Variants in DPF3 observed in about 807,000 individuals in gnomAD.
DPF3 encodes the protein double PHD fingers 3.
Under a neutral mutation model 56.8 loss-of-function variants are expected in DPF3, and 18 were observed. That is an observed-to-expected ratio of 0.32 (90% CI 0.22 to 0.47). The LOEUF (loss-of-function observed/expected upper bound fraction) is 0.47, where lower values mean the gene tolerates loss of function less well. DPF3 is among the 20% of genes least tolerant of loss of function. The pLI, the probability that DPF3 is intolerant of heterozygous loss-of-function variation, is 1.00. For synonymous variants in DPF3, 188 were observed against 180.2 expected, an observed-to-expected ratio of 1.04 and a Z score of -0.35; for missense variants, 403 against 488.8, an observed-to-expected ratio of 0.82 and a Z score of 1.65.
intron 2 of DPF3, among the ~76,000 whole-genome samples, chr14:72,769,674 A>G: frequency 7.4e-6 from 1 of 134,922 alleles, no homozygotes; most frequent in South Asian, 2.5e-4. Context: ...GTGAGACTCC[A>G]TCTCAAAAAA....
At chr14:72,791,611 G>T (rs911158860) in intron 1 of DPF3, among the ~76,000 whole-genome samples, 1 of 152,220 alleles carries the variant, frequency 6.6e-6, no homozygotes, top group African/African-American at 2.4e-5. Flanking sequence ...ATGTCCTGGT[G>T]CCTCAAACAA....
intron 8 of DPF3, among the ~76,000 whole-genome samples, chr14:72,659,274 A>G (rs1886137790): frequency 6.6e-6 from 1 of 152,218 alleles, no homozygotes; most frequent in Admixed American, 6.5e-5. Context: ...CTAACCATCT[A>G]TGGTAACTAC....
At chr14:72,736,951 G>A (rs986737445) in intron 3 of DPF3, among the ~76,000 whole-genome samples, 1 of 151,444 alleles carries the variant, frequency 6.6e-6, no homozygotes, top group Admixed American at 6.6e-5. Flanking sequence ...CTCCAGAGCG[G>A]CAGCAGCTGT....
At chr14:72,843,870 C>T (rs929120167) in intron 1 of DPF3, among the ~76,000 whole-genome samples, 1 of 152,232 alleles carries the variant, frequency 6.6e-6, no homozygotes, top group Non-Finnish European at 1.5e-5. Flanking sequence ...CGCAGGTTTA[C>T]ATATGCTAGG....
chr14:72,731,699 G>A, intron 4 of DPF3, 108 bp downstream of exon 4: 3 of 1,464,866 alleles, frequency 2.0e-6, no homozygotes, highest in Non-Finnish European at 2.8e-6. Context: ...GTCTGAGACT[G>A]AGCCCCGGCC....
intron 1 of DPF3, among the ~76,000 whole-genome samples, chr14:72,796,419 C>T (rs1459521817): frequency 6.6e-6 from 1 of 152,182 alleles, no homozygotes; most frequent in Non-Finnish European, 1.5e-5. Context: ...GGAAGAATCA[C>T]TTGAGCCCGG....
rs547802542 is a variant in DPF3, at chr14:72,616,657, T to C, written c.*2640A>G. ...CTATCTCCACTTTCCAGGTGGGCAA[T>C]TGAGGTTCAGGGAGGTTAGGTGACT... On this transcript the variant is annotated 3_prime_UTR_variant, in exon 11 of 11. Coordinates refer to ENST00000556509, the MANE Select transcript of DPF3 (RefSeq NM_001280542.3). Among the ~76,000 whole-genome samples the C allele has an allele frequency of 1.3e-5, 2 of 152,246 alleles. No individual in the cohort carries two copies. Among genetic ancestry groups the C allele is most frequent in the African/African-American group, 4.8e-5 (2 of 41,546 alleles).
intron 1 of DPF3, among the ~76,000 whole-genome samples, chr14:72,805,701 T>G (rs1003440870): frequency 2.0e-5 from 3 of 151,936 alleles, no homozygotes; most frequent in Non-Finnish European, 4.4e-5. Flanking sequence ...CAAAAATTAG[T>G]TGGACATTGT....
intron 7 of DPF3, 91 bp from the exon 8 acceptor site, chr14:72,674,459 C>T: frequency 6.7e-7 from 1 of 1,483,980 alleles, no homozygotes; most frequent in Non-Finnish European, 9.0e-7. Flanking sequence ...GAATCTGCTC[C>T]AGAAGGAATC....
intron 2 of DPF3, among the ~76,000 whole-genome samples, chr14:72,756,906 A>AAAAGAAAGAAAGAGAAAGAAAGAAAG (rs1890845607): frequency 1.3e-5 from 1 of 74,658 alleles, no homozygotes. Flanking sequence ...AGAAAAGAAA[A>AAAAGAAAGAAAGAGAAAGAAAGAAAG]AAAGAAAGAA....
At position 72,615,372 on chromosome 14, in the gene DPF3, C is replaced by G. The variant is rs1393847278; in HGVS notation, c.*3925G>C. On this transcript the variant is annotated 3_prime_UTR_variant, in exon 11 of 11. Transcript: ENST00000556509. ...GAGCACAGGTCTCCTCCACTTGCCC[C>G]GAAAGGAAAAGTAATAACAATCATC... Among the ~76,000 whole-genome samples the G allele has an allele frequency of 1.3e-5, 2 of 152,118 alleles. No homozygotes were observed. Among genetic ancestry groups the G allele is most frequent in the East Asian group, 1.9e-4 (1 of 5,192 alleles).
At chr14:72,846,416 A>T (rs1042288889) in intron 1 of DPF3, among the ~76,000 whole-genome samples, 1 of 146,814 alleles carries the variant, frequency 6.8e-6, no homozygotes, top group South Asian at 2.1e-4. Context: ...GCTCACTGCA[A>T]GCTCCGCCTC....
intron 7 of DPF3, among the ~76,000 whole-genome samples, chr14:72,690,790 T>G (rs1185871695): frequency 1.3e-5 from 2 of 152,068 alleles, no homozygotes; most frequent in Admixed American, 1.3e-4. Context: ...TATAAGGAGA[T>G]AAGCTAGCAC....
intron 1 of DPF3, among the ~76,000 whole-genome samples, chr14:72,805,361 T>C (rs1372820942): frequency 6.6e-6 from 1 of 151,614 alleles, no homozygotes; most frequent in Non-Finnish European, 1.5e-5. Flanking sequence ...TCCCAGCTAC[T>C]CAGGAGGCTG....
intron 8 of DPF3, chr14:72,673,960 G>T (rs755495556): frequency 3.6e-5 from 14 of 385,342 alleles, no homozygotes; most frequent in Non-Finnish European, 6.0e-5. Context: ...ACCTCGCTGT[G>T]GTCCGTAAAA....
At chr14:72,791,297 C>T (rs531426909) in intron 1 of DPF3, among the ~76,000 whole-genome samples, 1 of 152,358 alleles carries the variant, frequency 6.6e-6, no homozygotes, top group East Asian at 1.9e-4. Context: ...ATGGCCTCTG[C>T]CCCTCCCCCA....
At position 72,639,577 on chromosome 14, in the gene DPF3, A is replaced by G. The variant is rs1259478431; in HGVS notation, c.872-9841T>C. ...TGTGAGATGCCCTACAGACAGGTCC[A>G]TGTGGCAACATATGAAGGAAGGCCT... On this transcript the variant is annotated intron_variant, in intron 8 of 10. Coordinates refer to ENST00000556509, the MANE Select transcript of DPF3 (RefSeq NM_001280542.3). Among the ~76,000 whole-genome samples the G allele has an allele frequency of 3.3e-5, 5 of 152,312 alleles. No individual in the cohort carries two copies. In the East Asian group the frequency reaches 7.7e-4, roughly 24 times the overall value.
intron 1 of DPF3, among the ~76,000 whole-genome samples, chr14:72,777,055 T>C (rs1418682921): frequency 6.6e-6 from 1 of 152,158 alleles, no homozygotes; most frequent in Admixed American, 6.6e-5. Context: ...GGCCCATCAC[T>C]ACTATCTGTG....
chr14:72,638,524 C>T (rs890237108), intron 8 of DPF3, among the ~76,000 whole-genome samples: 7 of 152,156 alleles, frequency 4.6e-5, no homozygotes, highest in Admixed American at 2.0e-4. Flanking sequence ...TGATGTATAG[C>T]TGGTGGAAAA....
Sources: gnomAD v4.1 joint callset for allele counts (sites outside exome capture counted in the v4.1 genomes callset) on GRCh38, gnomAD v4.1.1 for gene constraint, MANE v1.5 for transcripts, NCBI Gene and HGNC (gene_info 2026-07-23, HGNC 2026-07-21) for gene names.